The following C14orf180 variants were observed in gnomAD, a reference collection of about 807,000 sequenced individuals.
C14orf180 encodes the protein chromosome 14 open reading frame 180, also known as nutritionally-regulated adipose and cardiac enriched protein homolog.
In C14orf180, 13 loss-of-function variants were observed where a neutral mutation model predicts 13.9. The ratio of observed to expected loss-of-function variants is 0.94; its 90% CI spans 0.61 to 1.49. C14orf180 has a LOEUF of 1.49. C14orf180 is among the 40% of genes most tolerant of loss of function. The pLI, the probability that C14orf180 is intolerant of heterozygous loss-of-function variation, is 0.00. For missense variants in C14orf180, 238 were observed against 232.0 expected (o/e 1.03, Z -0.17); for synonymous variants, 113 against 106.3 (o/e 1.06, Z -0.39).
intron 3 of C14orf180, 21 bp downstream of exon 3, chr14:104,587,899 A>G: frequency 6.3e-7 from 1 of 1,592,588 alleles, no homozygotes. Flanking sequence ...ACCCGCAGCA[A>G]GCAGCTGGGA....
chr14:104,585,985 G>A (rs1368091771), intron 1 of C14orf180, among the ~76,000 whole-genome samples: 3 of 152,200 alleles, frequency 2.0e-5, no homozygotes, highest in Non-Finnish European at 4.4e-5. Flanking sequence ...CCAGTCCCCA[G>A]CCCCAGGGCT....
At position 104,586,482 on chromosome 14, in the gene C14orf180, C is replaced by T. The variant is rs150513093; in HGVS notation, c.52C>T (p.Arg18Cys). 4.0e-4 allele frequency: 628 copies of T among 1,550,860 alleles called. 1 individual carries two copies. In the East Asian group the frequency reaches 5.4e-3, roughly 13 times the overall value. The change falls in exon 2 of 5, where the codon CGT (arginine) becomes TGT (cysteine). Residue 18 changes from arginine (R) to cysteine (C), a missense_variant. Physicochemically the swap from Arg to Cys is radical, Grantham distance 180 (BLOSUM62 -3). Transcript: ENST00000557649. Reference protein sequence around the residue: ...VSPDSRPETRRQTRKNEEAAW... With the variant: ...VSPDSRPETRCQTRKNEEAAW... ...CCCTGACTCCCGGCCAGAGACACGA[C>T]GTCAGACCAGAAAGAATGAGGAGGC...
intron 1 of C14orf180, chr14:104,581,502 A>C (rs955068766): frequency 6.6e-6 from 1 of 152,100 alleles, no homozygotes; most frequent in South Asian, 2.1e-4. Context: ...GAAACTTCTC[A>C]GCTGGTTGTG....
chr14:104,588,472 TG>T, intron 4 of C14orf180, 105 bp from the exon 5 acceptor site: 2 of 1,457,356 alleles, frequency 1.4e-6, no homozygotes, highest in Non-Finnish European at 9.3e-7. Flanking sequence ...GGAGGGGCCA[TG>T]GGCATGGACA....
chr14:104,587,932 A>G, intron 3 of C14orf180, 54 bp downstream of exon 3: 1 of 1,551,902 alleles, frequency 6.4e-7, no homozygotes. Context: ...AAGCAGAGGG[A>G]GGCGGGGACA....
rs757984050 is a variant in C14orf180, at chr14:104,589,803, A to C, written c.*1020A>C. On this transcript the variant is annotated 3_prime_UTR_variant, in exon 5 of 5. Coordinates refer to ENST00000557649, the MANE Select transcript of C14orf180 (RefSeq NM_001008404.3). This position sits in a 1 kb window ranked among gnomAD's most constrained non-coding sequence, Gnocchi z 4.9. ...GTGGTTCCTGTTTGTCCCACCACTT[A>C]ACTGGGAGACACTGTTTTATTAAAA... 2 of 152,134 alleles carry C rather than the reference A, an allele frequency of 1.3e-5. No homozygotes were observed. The highest frequency in any genetic ancestry group is 2.9e-5 in the Non-Finnish European group (2 of 68,022). The allele number at this position is 152,134 out of a possible 1,614,324, so 9.4% of individuals were successfully genotyped here.
chr14:104,584,371 G>A (rs960997072), intron 1 of C14orf180, among the ~76,000 whole-genome samples: 1 of 152,184 alleles, frequency 6.6e-6, no homozygotes, highest in Non-Finnish European at 1.5e-5. Context: ...GGGTCCAAGA[G>A]GTCACTGGGG....
rs1886684407 is a variant in C14orf180, at chr14:104,587,830, A to T, written c.193A>T (p.Thr65Ser). 1 of 1,611,696 alleles carries T rather than the reference A, an allele frequency of 6.2e-7. No homozygotes were observed. The highest frequency in any genetic ancestry group is 1.1e-5 in the South Asian group (1 of 90,642). Residue 65 changes from threonine (T) to serine (S), a missense_variant, in exon 3 of 5, where the codon ACC (threonine) becomes TCC (serine). Physicochemically the swap from Thr to Ser is moderately conservative, Grantham distance 58. Coordinates refer to ENST00000557649, the MANE Select transcript of C14orf180 (RefSeq NM_001008404.3). ...HHRPEAKPQR[T>S]SRRVWFREPP... Reference sequence around the variant, plus strand: ...CCGCCCAGAGGCCAAGCCCCAGAGGACCTCGAGGCGCGTGTGGTTCCGAGA... The same window carrying T: ...CCGCCCAGAGGCCAAGCCCCAGAGGTCCTCGAGGCGCGTGTGGTTCCGAGA...
At chr14:104,581,489 A>G (rs1299613300) in intron 1 of C14orf180, 1 of 152,158 alleles carries the variant, frequency 6.6e-6, no homozygotes, top group Non-Finnish European at 1.5e-5. Flanking sequence ...TGTCGCCGTA[A>G]TGGAAACTTC....
chr14:104,584,039 G>A (rs767898479), intron 1 of C14orf180, among the ~76,000 whole-genome samples: 6 of 152,092 alleles, frequency 3.9e-5, no homozygotes, highest in Non-Finnish European at 7.4e-5. Flanking sequence ...ACTCACACAC[G>A]TGCACACACA....
In C14orf180 at chr14:104,587,745, C is replaced by G. The variant is rs773899450; in HGVS notation, c.112-4C>G. 1 of 1,612,306 alleles carries G rather than the reference C, an allele frequency of 6.2e-7. No homozygotes were observed. Among genetic ancestry groups the G allele is most frequent in the Non-Finnish European group, 8.5e-7 (1 of 1,179,478 alleles). On this transcript the variant is annotated splice_polypyrimidine_tract_variant and splice_region_variant and intron_variant, in intron 2 of 4. Coordinates refer to ENST00000557649, the MANE Select transcript of C14orf180 (RefSeq NM_001008404.3). Reference sequence around the variant, plus strand: ...CACCAGTCTGCTTCCCGCCCCCACACCAGGAGGACAACAGGAAGTGCCCCC... The same window carrying G: ...CACCAGTCTGCTTCCCGCCCCCACAGCAGGAGGACAACAGGAAGTGCCCCC...
chr14:104,590,093 G>A lies in C14orf180; in HGVS notation c.*1310G>A, dbSNP rs1886793724. On this transcript the variant is annotated 3_prime_UTR_variant, in exon 5 of 5. Transcript: ENST00000557649. ...CCAGGTGCCAGGGAACAGGTGAAGTGGTCTCCAGGGTCACTTCCAGCTTTG... is the reference window on the plus strand; with the variant it reads ...CCAGGTGCCAGGGAACAGGTGAAGTAGTCTCCAGGGTCACTTCCAGCTTTG... 1 of 152,246 alleles carries A rather than the reference G, an allele frequency of 6.6e-6. No homozygotes were observed. The highest frequency in any genetic ancestry group is 1.5e-5 in the Non-Finnish European group (1 of 68,072). 9.4% of individuals were successfully genotyped at this position (152,246 alleles called of 1,614,324 possible).
chr14:104,584,018 C>T (rs1886527988), intron 1 of C14orf180, among the ~76,000 whole-genome samples: 1 of 152,204 alleles, frequency 6.6e-6, no homozygotes, highest in African/African-American at 2.4e-5. Flanking sequence ...GGAATACTCA[C>T]ACATGTGTGC....
chr14:104,587,786 G>A lies in C14orf180; in HGVS notation c.149G>A (p.Arg50Gln), dbSNP rs201529094. 72 of 1,612,496 alleles carry A rather than the reference G, an allele frequency of 4.5e-5. No individual in the cohort carries two copies. The East Asian group carries it at 7.6e-4, about 17-fold the overall frequency. ...AAGTGCCCCCCCTCCATCCTGAAAC[G>A]GAGCCGGCCGGAGCACCACCGCCCA... ...NRKCPPSILK[R>Q]SRPEHHRPEA... is the part of the protein sequence containing the mutation. Residue 50 changes from arginine to glutamine, a missense_variant, in exon 3 of 5, where the codon CGG becomes CAG. Coordinates refer to ENST00000557649, the MANE Select transcript of C14orf180 (RefSeq NM_001008404.3).
intron 1 of C14orf180, among the ~76,000 whole-genome samples, chr14:104,583,823 C>A (rs1249307610): frequency 1.3e-5 from 2 of 152,156 alleles, no homozygotes; most frequent in East Asian, 3.9e-4. Context: ...TACACTCACA[C>A]ACACACACGG....
Position 104,588,800 on chromosome 14 carries a change from GA to G in C14orf180, c.*18del. ...CGGCTCTGACGGGCAGGACGGGCAGGACGGGCAGGGCTTCCAGGAGAGCTCA... is the reference window on the plus strand; with the variant it reads ...CGGCTCTGACGGGCAGGACGGGCAGGCGGGCAGGGCTTCCAGGAGAGCTCA... On this transcript the variant is annotated 3_prime_UTR_variant, in exon 5 of 5. Transcript: ENST00000557649. 1 of 1,533,874 alleles carries G rather than the reference GA, an allele frequency of 6.5e-7. No individual in the cohort carries two copies. The highest frequency in any genetic ancestry group is 1.2e-5 in the South Asian group (1 of 83,674).
At chr14:104,587,661 G>C (rs983927652) in intron 2 of C14orf180, 88 bp from the exon 3 acceptor site, 5 of 1,369,170 alleles carry the variant, frequency 3.7e-6, no homozygotes, top group South Asian at 1.3e-5. Context: ...GTTCCAGGAC[G>C]GTGCTGCTGG....
At chr14:104,587,321 A>G (rs1404545236) in intron 2 of C14orf180, among the ~76,000 whole-genome samples, 2 of 151,992 alleles carry the variant, frequency 1.3e-5, no homozygotes, top group Non-Finnish European at 2.9e-5. Flanking sequence ...GAGGCCACCA[A>G]CCAGCCCTCC....
In C14orf180 at chr14:104,590,345, G is replaced by T. The variant is rs976631769; in HGVS notation, c.*1562G>T. On this transcript the variant is annotated 3_prime_UTR_variant, in exon 5 of 5. Coordinates refer to ENST00000557649, the MANE Select transcript of C14orf180 (RefSeq NM_001008404.3). ...GGTTGGGTCTCTCAGAGCAGTCACA[G>T]GCCCAGGCTCAGCCCTGTGTGCTTG... is the stretch of plus-strand genomic sequence containing the variant. 6.6e-6 allele frequency: 1 copy of T among 150,942 alleles called. No individual in the cohort carries two copies. The highest frequency in any genetic ancestry group is 1.5e-5 in the Non-Finnish European group (1 of 67,824). 9.4% of individuals were successfully genotyped at this position (150,942 alleles called of 1,614,324 possible). A position where few individuals can be genotyped will look rare whatever the true frequency, so the allele number is the denominator to read the frequency against.
Sources: gnomAD v4.1 joint callset for allele counts (sites outside exome capture counted in the v4.1 genomes callset) on GRCh38, gnomAD v4.1.1 for gene constraint, Gnocchi (gnomAD v3.1) non-coding constraint, MANE v1.5 for transcripts, NCBI Gene and HGNC (gene_info 2026-07-23, HGNC 2026-07-21) for gene names.